Variants in MYRIP observed in about 807,000 individuals in gnomAD.
The protein encoded by MYRIP is rab effector MyRIP.
Under a neutral mutation model 98.0 loss-of-function variants are expected in MYRIP, and 49 were observed. The observed-to-expected ratio is 0.50, with a 90% CI of 0.40 to 0.63. MYRIP has a LOEUF of 0.63. Among genes scored for constraint, MYRIP ranks in the 30% least tolerant of loss-of-function variants. The pLI, the probability that MYRIP is intolerant of heterozygous loss-of-function variation, is 0.00. For synonymous variants in MYRIP, 404 were observed against 409.5 expected (o/e 0.99, Z 0.16); for missense variants, 1,004 against 1,058.2 (o/e 0.95, Z 0.71).
At chr3:39,986,395 CTCTT>C (rs1171857614) in intron 2 of MYRIP, among the ~76,000 whole-genome samples, 2 of 151,970 alleles carry the variant, frequency 1.3e-5, no homozygotes, top group African/African-American at 4.8e-5. Flanking sequence ...CTCTGTCTCT[CTCTT>C]TCTCTCTCTC....
In MYRIP at chr3:39,902,162, C is replaced by T. The variant is rs144676773; in HGVS notation, c.110+1236C>T. Among the ~76,000 whole-genome samples, 930 of 152,196 alleles carry T rather than the reference C, an allele frequency of 6.1e-3. 3 individuals are homozygous for T. The highest frequency in any genetic ancestry group is 0.02 in the African/African-American group (837 of 41,508). The stretch of plus-strand genomic sequence containing the variant: ...ACAGAGGAGCAGGGTATTTTGTAGC[C>T]AGGTAAAGTTGAGAGCTCTGTCTCA... On this transcript the variant is annotated intron_variant, in intron 2 of 16. Transcript: ENST00000302541.
chr3:40,150,764 T>C (rs55789084), intron 3 of MYRIP, among the ~76,000 whole-genome samples: 6,580 of 152,200 alleles, frequency 0.043, 156 homozygotes, highest in Middle Eastern at 0.085. Context: ...AGAGGGATGA[T>C]TGGGCCAAGT....
At chr3:40,005,843 A>G (rs565194726) in intron 2 of MYRIP, among the ~76,000 whole-genome samples, 2 of 152,328 alleles carry the variant, frequency 1.3e-5, no homozygotes, top group Middle Eastern at 3.4e-3. Context: ...AAAATATGCA[A>G]GATATATAAT....
chr3:39,957,519 G>T (rs138939704), intron 2 of MYRIP, among the ~76,000 whole-genome samples: 10,363 of 152,076 alleles, frequency 0.068, 544 homozygotes, highest in East Asian at 0.18. Flanking sequence ...GGTATTGATG[G>T]GATGTATCTC....
chr3:40,073,033 C>T (rs998177026), intron 3 of MYRIP, among the ~76,000 whole-genome samples: 3 of 152,132 alleles, frequency 2.0e-5, no homozygotes, highest in Admixed American at 2.0e-4. Flanking sequence ...CTGGGACCTG[C>T]TTTCTCATTT....
At chr3:39,863,292 C>G (rs61592403) in intron 1 of MYRIP, among the ~76,000 whole-genome samples, 7,706 of 151,576 alleles carry the variant, frequency 0.051, 227 homozygotes, top group African/African-American at 0.065. Flanking sequence ...GAAGACAAGA[C>G]GTTAACAAAA....
intron 3 of MYRIP, among the ~76,000 whole-genome samples, chr3:40,095,541 T>TG (rs1948809557): frequency 6.6e-6 from 1 of 152,126 alleles, no homozygotes; most frequent in African/African-American, 2.4e-5. Context: ...AAGGTAGTCA[T>TG]GGGGGGAGAA....
intron 2 of MYRIP, among the ~76,000 whole-genome samples, chr3:39,902,643 T>C (rs1473908757): frequency 6.6e-6 from 1 of 152,228 alleles, no homozygotes. Flanking sequence ...TAATATTTCC[T>C]TTAAATCATA....
At chr3:40,103,927 A>T (rs572761034) in intron 3 of MYRIP, among the ~76,000 whole-genome samples, 1 of 152,260 alleles carries the variant, frequency 6.6e-6, no homozygotes, top group African/African-American at 2.4e-5. Flanking sequence ...GAATGTTGAC[A>T]GTATGCCATC....
intron 16 of MYRIP, 125 bp downstream of exon 16, chr3:40,252,124 T>C: frequency 1.4e-6 from 1 of 732,166 alleles, no homozygotes; most frequent in Non-Finnish European, 2.3e-6. Flanking sequence ...CGTGGTCTTA[T>C]GGTCTGTTGG....
intron 1 of MYRIP, among the ~76,000 whole-genome samples, chr3:39,845,351 T>C (rs35977900): frequency 0.25 from 38,618 of 152,136 alleles, 5,191 homozygotes; most frequent in Middle Eastern, 0.32. Context: ...TTTGGCTTTT[T>C]ACCACATATT....
chr3:39,816,511 A>G (rs1035119361), intron 1 of MYRIP, among the ~76,000 whole-genome samples: 9 of 152,184 alleles, frequency 5.9e-5, no homozygotes, highest in Admixed American at 3.3e-4. Flanking sequence ...AGAGTTTACA[A>G]AGGCTAATAA....
chr3:40,104,109 T>C (rs375766346), intron 3 of MYRIP, among the ~76,000 whole-genome samples: 2 of 152,354 alleles, frequency 1.3e-5, no homozygotes, highest in East Asian at 3.9e-4. Flanking sequence ...CAAGTCTGTC[T>C]CCTGGAAGAA....
rs562200532 is a variant in MYRIP, at chr3:40,023,800, C to T, written c.111-20250C>T. On this transcript the variant is annotated intron_variant, in intron 2 of 16. Transcript: ENST00000302541. ...GGCTTGGTCCCAACAGTTAATATCT[C>T]AGAGAAGGAACTAAGGCAACTGTTT... Among the ~76,000 whole-genome samples the T allele has an allele frequency of 2.6e-5, 4 of 152,290 alleles. No homozygotes were observed. The South Asian group carries it at 8.3e-4, about 32-fold the overall frequency.
chr3:40,077,983 C>T (rs999291019), intron 3 of MYRIP, among the ~76,000 whole-genome samples: 9 of 152,306 alleles, frequency 5.9e-5, no homozygotes, highest in South Asian at 2.1e-4. Flanking sequence ...CAGGGGGTGG[C>T]GCTCGTTGGG....
chr3:40,023,095 A>G (rs916348272), intron 2 of MYRIP, among the ~76,000 whole-genome samples: 5 of 152,196 alleles, frequency 3.3e-5, no homozygotes, highest in African/African-American at 1.2e-4. Flanking sequence ...GGTCTAAGGA[A>G]AAAACTCTTG....
chr3:40,210,939 C>T (rs1951910142), intron 11 of MYRIP, among the ~76,000 whole-genome samples: 1 of 152,202 alleles, frequency 6.6e-6, no homozygotes, highest in Non-Finnish European at 1.5e-5. Flanking sequence ...ATATCCCTGC[C>T]AGCCTCCAAT....
intron 15 of MYRIP, 56 bp downstream of exon 15, chr3:40,250,555 T>G: frequency 1.3e-6 from 2 of 1,587,758 alleles, no homozygotes; most frequent in Non-Finnish European, 1.7e-6. Flanking sequence ...ATCATTTACT[T>G]TGGGTAACAA....
At chr3:39,888,771 A>T (rs1216084656) in intron 1 of MYRIP, among the ~76,000 whole-genome samples, 1 of 152,228 alleles carries the variant, frequency 6.6e-6, no homozygotes, top group Non-Finnish European at 1.5e-5. Flanking sequence ...AATTTTCGCA[A>T]CCTACTCATC....
Sources: allele counts gnomAD v4.1 joint callset (sites outside exome capture counted in the v4.1 genomes callset), GRCh38; gene constraint gnomAD v4.1.1; transcripts MANE v1.5; gene names NCBI Gene and HGNC (gene_info 2026-07-23, HGNC 2026-07-21).